The following SLC2A1 variants were observed in gnomAD, a reference collection of about 807,000 sequenced individuals.
SLC2A1 encodes solute carrier family 2 member 1.
In SLC2A1, 4 loss-of-function variants were observed where a neutral mutation model predicts 46.6. That is an observed-to-expected ratio of 0.09 (90% CI 0.04 to 0.20). The LOEUF (loss-of-function observed/expected upper bound fraction) is 0.20. Among genes scored for constraint, SLC2A1 ranks in the 10% least tolerant of loss-of-function variants. The pLI is 1.00. For missense variants in SLC2A1, 352 were observed against 667.0 expected (o/e 0.53, Z 5.20); for synonymous variants, 253 against 270.0 (o/e 0.94, Z 0.62).
intron 2 of SLC2A1, 91 bp downstream of exon 2, chr1:42,943,135 C>A: frequency 1.2e-6 from 1 of 861,456 alleles, no homozygotes; most frequent in South Asian, 1.4e-5. Context: ...ATAAATGACT[C>A]TAATTCAGGT....
intron 1 of SLC2A1, among the ~76,000 whole-genome samples, chr1:42,945,365 G>A (rs1327946162): frequency 6.6e-6 from 1 of 151,154 alleles, no homozygotes; most frequent in Non-Finnish European, 1.5e-5. Context: ...GTGAGACTCT[G>A]TCCCAAAAAA....
At chr1:42,956,047 C>CT (rs2124475632) in intron 1 of SLC2A1, among the ~76,000 whole-genome samples, 1 of 152,222 alleles carries the variant, frequency 6.6e-6, no homozygotes, top group South Asian at 2.1e-4. Flanking sequence ...CCCCAGGCCT[C>CT]TAACATCATG....
Position 42,929,866 on chromosome 1 carries a change from C to G in SLC2A1, c.679+7G>C, listed in dbSNP as rs13306757. ...GAGTGGGGAGGAGGGCAGGGCCATG[C>G]CCGTACCACTCTTGGCCCGGTTCTC... On this transcript the variant is annotated splice_region_variant and intron_variant, in intron 5 of 9. Transcript: ENST00000426263. This position sits in a 1 kb window ranked among gnomAD's most constrained non-coding sequence, Gnocchi z 6.0. 5,396 of 1,614,084 alleles carry G rather than the reference C, an allele frequency of 3.3e-3. 175 individuals are homozygous for G. The African/African-American group carries it at 0.063, about 19-fold the overall frequency.
rs16830071 is a variant in SLC2A1, at chr1:42,932,469, T to A, written c.115-1263A>T. 9.4e-3 allele frequency among the ~76,000 whole-genome samples: 1,428 copies of A among 152,218 alleles called. 27 individuals are homozygous for A. Among genetic ancestry groups the A allele is most frequent in the African/African-American group, 0.033 (1,359 of 41,530 alleles). ...CACACACATACCCGTGCTCATAGAATCTAAATATTCCTGCTTTAGCCAGTC... is the reference window on the plus strand; with the variant it reads ...CACACACATACCCGTGCTCATAGAAACTAAATATTCCTGCTTTAGCCAGTC... On this transcript the variant is annotated intron_variant, in intron 2 of 9. Transcript: ENST00000426263.
Position 42,931,176 on chromosome 1 carries a change from C to T in SLC2A1, c.145G>A (p.Val49Ile), listed in dbSNP as rs878854904. 2.5e-6 allele frequency: 4 copies of T among 1,614,108 alleles called. No individual in the cohort carries two copies. The highest frequency in any genetic ancestry group is 2.5e-6 in the Non-Finnish European group (3 of 1,179,996). The part of the protein sequence containing the change: ...VIEEFYNQTW[V>I]HRYGESILPT... ...AGGATGCTCTCCCCATAGCGGTGGA[C>T]CCATGTCTGGTTGTAGAACTCCTCG... Residue 49 changes from valine to isoleucine, a missense_variant, in exon 3 of 10, where the codon GTC (valine) becomes ATC (isoleucine). Physicochemically the swap from Val to Ile is conservative, Grantham distance 29. This residue lies in a region of SLC2A1 where 97 missense variants were observed against 175.6 expected (regional missense o/e 0.55). Transcript: ENST00000426263.
chr1:42,958,702 G>C lies in SLC2A1; in HGVS notation c.-51C>G, dbSNP rs1041346512. ...CTGCGCCGGGTACGCGGGTGGCGAC[G>C]GGCGTGCGAGCGGCGCTCTCCCGCT... On this transcript the variant is annotated 5_prime_UTR_variant, in exon 1 of 10. Coordinates refer to ENST00000426263, the MANE Select transcript of SLC2A1 (RefSeq NM_006516.4). The C allele has an allele frequency of 2.0e-6, 3 of 1,527,640 alleles. No homozygotes were observed. The highest frequency in any genetic ancestry group is 1.4e-5 in the African/African-American group (1 of 72,106). 94.6% of individuals were successfully genotyped at this position (1,527,640 alleles called of 1,614,324 possible).
rs1366459271 is a variant in SLC2A1, at chr1:42,929,072, T to C, written c.973-39A>G. 9 of 1,601,196 alleles carry C rather than the reference T, an allele frequency of 5.6e-6. No homozygotes were observed. Among genetic ancestry groups the C allele is most frequent in the Middle Eastern group, 1.7e-4 (1 of 6,056 alleles). On this transcript the variant is annotated intron_variant, in intron 7 of 9. Transcript: ENST00000426263. The surrounding 1 kb of genome is among the most constrained non-coding windows in gnomAD (Gnocchi z 6.0). The stretch of plus-strand genomic sequence containing the variant: ...CAGTGTCAGTGCCACCCCTGCCTAG[T>C]GCCCTTCTGAACCCACCCACCCAGA...
Position 42,929,907 on chromosome 1 carries a change from G to A in SLC2A1, c.645C>T (p.Leu215=). 1.9e-6 allele frequency: 3 copies of A among 1,614,196 alleles called. No homozygotes were observed. Among genetic ancestry groups the A allele is most frequent in the South Asian group, 2.2e-5 (2 of 91,078 alleles). Residue 215 remains leucine, a synonymous_variant, in exon 5 of 10, where the codon CTC becomes CTT. Transcript: ENST00000426263. The surrounding 1 kb of genome is among the most constrained non-coding windows in gnomAD (Gnocchi z 6.0). The part of the protein sequence containing the change: ...PFCPESPRFL[L]INRNEENRAK... ...CCCGGTTCTCCTCGTTGCGGTTGAT[G>A]AGCAGGAAGCGGGGACTCTCGGGGC...
Position 42,930,560 on chromosome 1 carries a change from G to A in SLC2A1, c.516+66C>T. On this transcript the variant is annotated intron_variant, in intron 4 of 9. Coordinates refer to ENST00000426263, the MANE Select transcript of SLC2A1 (RefSeq NM_006516.4). This position sits in a 1 kb window ranked among gnomAD's most constrained non-coding sequence, Gnocchi z 6.2. Reference sequence around the variant, plus strand: ...GAGAAACTCTGCCCTGCTGGGCACAGATCCGAGAGCCACTGAAGCTGTGGG... The same window carrying A: ...GAGAAACTCTGCCCTGCTGGGCACAAATCCGAGAGCCACTGAAGCTGTGGG... The A allele has an allele frequency of 1.2e-6, 2 of 1,602,870 alleles. No homozygotes were observed. The highest frequency in any genetic ancestry group is 2.2e-5 in the South Asian group (2 of 89,230).
chr1:42,927,176 G>A lies in SLC2A1; in HGVS notation c.1344C>T (p.Thr448=). The change falls in exon 10 of 10, where the codon ACC becomes ACT. Residue 448 remains threonine, a synonymous_variant. Coordinates refer to ENST00000426263, the MANE Select transcript of SLC2A1 (RefSeq NM_006516.4). The surrounding 1 kb of genome is among the most constrained non-coding windows in gnomAD (Gnocchi z 5.3). ...CTTTAGTCTCAGGAACTTTGAAGTAGGTGAAGATGAAGAACAGAACCAGGA... is the reference window on the plus strand; with the variant it reads ...CTTTAGTCTCAGGAACTTTGAAGTAAGTGAAGATGAAGAACAGAACCAGGA... ...TVLLVLFFIF[T]YFKVPETKGR... 6.2e-7 allele frequency: 1 copy of A among 1,614,146 alleles called. No homozygotes were observed. Among genetic ancestry groups the A allele is most frequent in the Non-Finnish European group, 8.5e-7 (1 of 1,180,008 alleles).
chr1:42,957,061 T>C lies in SLC2A1; in HGVS notation c.18+1573A>G, dbSNP rs1438339249. 4.6e-5 allele frequency among the ~76,000 whole-genome samples: 7 copies of C among 152,218 alleles called. No homozygotes were observed. In the South Asian group the frequency reaches 8.3e-4, roughly 18 times the overall value. ...TATCCACTCAACAAATAAATACCCA[T>C]GTCTGGCATAGTATGCTGAATAGAT... On this transcript the variant is annotated intron_variant, in intron 1 of 9. Transcript: ENST00000426263.
chr1:42,956,568 A>C (rs374880812), intron 1 of SLC2A1, among the ~76,000 whole-genome samples: 4 of 152,220 alleles, frequency 2.6e-5, no homozygotes, highest in Admixed American at 1.3e-4. Flanking sequence ...CTGGGCAACA[A>C]AAGCGAAACT....
At chr1:42,935,998 C>T (rs1485957705) in intron 2 of SLC2A1, among the ~76,000 whole-genome samples, 1 of 152,174 alleles carries the variant, frequency 6.6e-6, no homozygotes, top group Non-Finnish European at 1.5e-5. Flanking sequence ...ATGGGTTGCA[C>T]AAAAACAGGC....
Position 42,925,720 on chromosome 1 carries a change from A to T in SLC2A1, c.*1321T>A, listed in dbSNP as rs1222650517. ...TTGTGTGTGTGGGGAGGGGTGCAGG[A>T]GGTGGGTGGAGTTAATGGAGTAGTG... On this transcript the variant is annotated 3_prime_UTR_variant, in exon 10 of 10. Transcript: ENST00000426263. The T allele has an allele frequency of 1.3e-5, 2 of 152,158 alleles. No individual in the cohort carries two copies. Among genetic ancestry groups the T allele is most frequent in the Admixed American group, 1.3e-4 (2 of 15,266 alleles). The allele number at this position is 152,158 out of a possible 1,614,324, so 9.4% of individuals were successfully genotyped here.
At chr1:42,948,697 G>GGA (rs1301237447) in intron 1 of SLC2A1, among the ~76,000 whole-genome samples, 1 of 151,706 alleles carries the variant, frequency 6.6e-6, no homozygotes, top group Non-Finnish European at 1.5e-5. Flanking sequence ...GGTAGGCCGA[G>GGA]GCGGGCGGAT....
At chr1:42,952,979 A>C (rs1252563225) in intron 1 of SLC2A1, among the ~76,000 whole-genome samples, 1 of 152,214 alleles carries the variant, frequency 6.6e-6, no homozygotes, top group African/African-American at 2.4e-5. Context: ...GCTAGCTCTC[A>C]TCCCCAGTAC....
At position 42,930,957 on chromosome 1, in the gene SLC2A1, A is replaced by G; in HGVS notation, c.275+89T>C. The stretch of plus-strand genomic sequence containing the variant: ...GGTAATACCCTGGAACAGGCAGATA[A>G]GTCTCCCCTACCTCCCACCCCATCT... On this transcript the variant is annotated intron_variant, in intron 3 of 9. Transcript: ENST00000426263. This position sits in a 1 kb window ranked among gnomAD's most constrained non-coding sequence, Gnocchi z 6.2. The G allele has an allele frequency of 1.2e-6, 2 of 1,607,006 alleles. No homozygotes were observed. Among genetic ancestry groups the G allele is most frequent in the Non-Finnish European group, 1.7e-6 (2 of 1,177,494 alleles).
chr1:42,948,881 G>A (rs552035674), intron 1 of SLC2A1, among the ~76,000 whole-genome samples: 5 of 152,108 alleles, frequency 3.3e-5, no homozygotes, highest in South Asian at 2.1e-4. Flanking sequence ...TGGCTAACAC[G>A]GTGAAACCCC....
chr1:42,933,387 C>T (rs1165892272), intron 2 of SLC2A1, among the ~76,000 whole-genome samples: 1 of 152,100 alleles, frequency 6.6e-6, no homozygotes, highest in Admixed American at 6.5e-5. Context: ...ATTGCTGAAA[C>T]CTTTCGAGAT....
Sources: allele counts gnomAD v4.1 joint callset (sites outside exome capture counted in the v4.1 genomes callset), GRCh38; gene constraint gnomAD v4.1.1; regional missense constraint gnomAD v4.1.1; non-coding constraint Gnocchi (gnomAD v3.1); transcripts MANE v1.5; gene names NCBI Gene and HGNC (gene_info 2026-07-23, HGNC 2026-07-21).